Variants in COG6 observed in about 807,000 individuals in gnomAD.
The protein encoded by COG6 is component of oligomeric golgi complex 6, also known as conserved oligomeric Golgi complex subunit 6.
A neutral mutation model predicts 88.8 loss-of-function variants in COG6; 74 were observed. The observed-to-expected ratio is 0.83, with a 90% CI of 0.69 to 1.01. The LOEUF is 1.01. Ranked by LOEUF, COG6 falls within the 50% of genes least tolerant of loss-of-function variation. The probability of loss-of-function intolerance (pLI) is 0.00; values close to 1 mark genes in which losing one functional copy is unlikely to be tolerated. For synonymous variants in COG6, 286 were observed against 278.7 expected (o/e 1.03, Z -0.26); for missense variants, 800 against 797.9 (o/e 1.00, Z -0.03).
chr13:39,716,655 A>G (rs1413318554), intron 13 of COG6, among the ~76,000 whole-genome samples: 2 of 152,066 alleles, frequency 1.3e-5, no homozygotes, highest in Non-Finnish European at 1.5e-5. Flanking sequence ...ACATATATGT[A>G]TGTGGGTATA....
At chr13:39,732,037 C>T (rs1879479972) in intron 18 of COG6, among the ~76,000 whole-genome samples, 1 of 152,132 alleles carries the variant, frequency 6.6e-6, no homozygotes, top group African/African-American at 2.4e-5. Context: ...CTTTTTGTTC[C>T]ATTCAGGCCT....
chr13:39,679,136 T>C (rs1334509645), intron 5 of COG6, among the ~76,000 whole-genome samples: 1 of 152,172 alleles, frequency 6.6e-6, no homozygotes, highest in Non-Finnish European at 1.5e-5. Flanking sequence ...AACAGATACA[T>C]AAAACATCAT....
chr13:39,738,259 A>G (rs185026241), intron 18 of COG6, among the ~76,000 whole-genome samples: 20 of 152,266 alleles, frequency 1.3e-4, no homozygotes, highest in African/African-American at 4.6e-4. Flanking sequence ...TTAAACACAT[A>G]AAACATACGA....
At position 39,735,257 on chromosome 13, in the gene COG6, A is replaced by T. The variant is rs373221269; in HGVS notation, c.1826+7709A>T. Among the ~76,000 whole-genome samples the T allele has an allele frequency of 2.6e-5, 4 of 151,224 alleles. No individual in the cohort carries two copies. The East Asian group carries it at 5.8e-4, about 22-fold the overall frequency. On this transcript the variant is annotated intron_variant, in intron 18 of 18. Transcript: ENST00000455146. ...TTTTAAATTTCTTTTTATTTTTTGT[A>T]TATCTGTTGTATGTTTTTTGACTTG...
chr13:39,759,014 A>G (rs1467126379), intron 18 of COG6, among the ~76,000 whole-genome samples: 2 of 152,208 alleles, frequency 1.3e-5, no homozygotes, highest in Non-Finnish European at 2.9e-5. Flanking sequence ...AAATCTCCAG[A>G]ATAGGCAAAT....
chr13:39,745,644 T>G (rs1880301456), intron 18 of COG6, among the ~76,000 whole-genome samples: 3 of 152,142 alleles, frequency 2.0e-5, no homozygotes. Context: ...TTGGTGGGAG[T>G]GTAAACTAGT....
chr13:39,698,858 T>C (rs1364301943), intron 12 of COG6, among the ~76,000 whole-genome samples: 2 of 151,810 alleles, frequency 1.3e-5, no homozygotes, highest in Non-Finnish European at 3.0e-5. Flanking sequence ...ATACTTGTCT[T>C]AGATCTTGGC....
intron 13 of COG6, among the ~76,000 whole-genome samples, chr13:39,706,199 T>TTA (rs71080327): frequency 1.1e-5 from 1 of 93,492 alleles, no homozygotes; most frequent in Non-Finnish European, 2.2e-5. Flanking sequence ...CACACTTCTT[T>TTA]TATATATATA....
At chr13:39,766,792 T>C (rs1182504782) in intron 18 of COG6, among the ~76,000 whole-genome samples, 1 of 152,204 alleles carries the variant, frequency 6.6e-6, no homozygotes, top group African/African-American at 2.4e-5. Flanking sequence ...AGAGTTCTAT[T>C]TGCCAGGCTG....
chr13:39,771,005 T>C (rs1881305276), intron 18 of COG6, among the ~76,000 whole-genome samples: 1 of 152,142 alleles, frequency 6.6e-6, no homozygotes, highest in Non-Finnish European at 1.5e-5. Context: ...TCCTACATTC[T>C]CTGGGGCTCA....
chr13:39,679,710 T>A (rs963862381), intron 6 of COG6, 90 bp downstream of exon 6: 1 of 827,706 alleles, frequency 1.2e-6, no homozygotes, highest in East Asian at 2.5e-5. Flanking sequence ...CTATATAGCA[T>A]TTTGTGAAAT....
intron 1 of COG6, 59 bp from the exon 2 acceptor site, chr13:39,659,305 A>G: frequency 6.7e-7 from 1 of 1,486,090 alleles, no homozygotes; most frequent in Non-Finnish European, 9.3e-7. Context: ...TTTTGTCTTG[A>G]GATTTGAAAC....
intron 13 of COG6, among the ~76,000 whole-genome samples, chr13:39,708,259 C>G (rs1177411336): frequency 6.6e-6 from 1 of 152,126 alleles, no homozygotes; most frequent in Non-Finnish European, 1.5e-5. Flanking sequence ...TAAGAGTTTT[C>G]AAACATGTGT....
In COG6 at chr13:39,699,547, G is replaced by A; in HGVS notation, c.1213G>A (p.Glu405Lys). The A allele has an allele frequency of 6.3e-7, 1 of 1,597,842 alleles. No homozygotes were observed. Among genetic ancestry groups the A allele is most frequent in the African/African-American group, 1.3e-5 (1 of 74,648 alleles). ...SATALLTTIE[E>K]MHLLSKKIFF... ...AACTGCATTATTGACTACCATTGAA[G>A]AAATGCATTTGCTAAGCAAAAAAAT... is the stretch of plus-strand genomic sequence containing the variant. The change falls in exon 13 of 19, where the codon GAA (glutamate) becomes AAA (lysine). Residue 405 changes from glutamate to lysine, a missense_variant. Physicochemically the swap from Glu to Lys is moderately conservative, Grantham distance 56. Transcript: ENST00000455146.
At chr13:39,691,045 A>G (rs570109698) in intron 11 of COG6, among the ~76,000 whole-genome samples, 1 of 151,932 alleles carries the variant, frequency 6.6e-6, no homozygotes, top group African/African-American at 2.4e-5. Context: ...ATTTTACTTT[A>G]TCTGCCTTAC....
At chr13:39,657,539 T>TC (rs1247610021) in intron 1 of COG6, among the ~76,000 whole-genome samples, 1 of 151,966 alleles carries the variant, frequency 6.6e-6, no homozygotes, top group Admixed American at 6.6e-5. Context: ...GGTTTTTTTT[T>TC]TCTGTACAGT....
At chr13:39,673,937 C>T (rs1332760902) in intron 4 of COG6, among the ~76,000 whole-genome samples, 1 of 151,484 alleles carries the variant, frequency 6.6e-6, no homozygotes. Context: ...AAAAGATTAT[C>T]ACAATTTCTA....
intron 18 of COG6, among the ~76,000 whole-genome samples, chr13:39,773,432 A>C (rs955270572): frequency 2.6e-5 from 4 of 152,228 alleles, no homozygotes; most frequent in Non-Finnish European, 5.9e-5. Context: ...ACTAACAGCC[A>C]AACAGGCAGG....
intron 13 of COG6, among the ~76,000 whole-genome samples, chr13:39,709,175 C>A (rs1447071879): frequency 1.3e-5 from 2 of 152,108 alleles, no homozygotes; most frequent in Non-Finnish European, 2.9e-5. Flanking sequence ...TTAACCTGCC[C>A]TAGGTCACAT....
Sources: gnomAD v4.1 joint callset for allele counts (sites outside exome capture counted in the v4.1 genomes callset) on GRCh38, gnomAD v4.1.1 for gene constraint, MANE v1.5 for transcripts, NCBI Gene and HGNC (gene_info 2026-07-23, HGNC 2026-07-21) for gene names.